The following CALHM4 variants were observed in gnomAD, a reference collection of about 807,000 sequenced individuals.
CALHM4 encodes the protein calcium homeostasis modulator family member 4.
CALHM4 carries 16 observed loss-of-function variants against 13.3 expected under a neutral mutation model. That is an observed-to-expected ratio of 1.20 (90% CI 0.81 to 1.82). CALHM4 has a LOEUF of 1.82. Among genes scored for constraint, CALHM4 ranks in the 40% most tolerant of loss-of-function variants. CALHM4 has a pLI of 0.00. For missense variants in CALHM4, 344 were observed against 374.9 expected (o/e 0.92, Z 0.68); for synonymous variants, 127 against 137.1 (o/e 0.93, Z 0.52).
At chr6:116,549,428 T>C (rs1225536415), upstream of CALHM4, among the ~76,000 whole-genome samples, 1 of 152,232 alleles carries the variant, frequency 6.6e-6, no homozygotes, top group African/African-American at 2.4e-5. Flanking sequence ...TACATGATAT[T>C]ATGAGGTACA....
exon 2 of CALHM4, chr6:116,543,798 G>T: frequency 6.5e-7 from 1 of 1,532,654 alleles, no homozygotes; most frequent in Non-Finnish European, 8.7e-7. Flanking sequence ...CTTCTCAGGC[G>T]TCTGCACAAT....
chr6:116,549,792 A>G (rs1773967469), upstream of CALHM4, among the ~76,000 whole-genome samples: 1 of 151,156 alleles, frequency 6.6e-6, no homozygotes, highest in African/African-American at 2.4e-5. Context: ...CATGGCTAAC[A>G]TGGTGAAACC....
rs538360548 is a variant in CALHM4 at position 116,537,987 on chromosome 6, G to A, written c.-108-5778G>A. Among the ~76,000 whole-genome samples the A allele has an allele frequency of 5.9e-5, 9 of 152,312 alleles. No individual in the cohort carries two copies. The East Asian group carries it at 1.7e-3, about 29-fold the overall frequency. On this transcript the variant is annotated intron_variant, in intron 1 of 2. Transcript: ENST00000368597. The stretch of plus-strand genomic sequence containing the variant: ...CCTGGTCGAGGACCACAGGTAACAA[G>A]AAAGTTTTACATGAGACTTCTTAGC...
At chr6:116,557,764 T>C (rs1482875152) in intron 1 of CALHM4, 61 bp from the exon 2 acceptor site, 2 of 1,544,710 alleles carry the variant, frequency 1.3e-6, no homozygotes, top group Non-Finnish European at 1.8e-6. Context: ...CTCCCATGGC[T>C]GTTGCTTGAA....
chr6:116,552,943 G>A (rs1337834591), upstream of CALHM4, among the ~76,000 whole-genome samples: 3 of 152,136 alleles, frequency 2.0e-5, no homozygotes, highest in South Asian at 2.1e-4. Flanking sequence ...GCGTGGTGGC[G>A]GGCGCCTGTA....
Position 116,558,389 on chromosome 6 carries a change from T to G in CALHM4, c.*178T>G. The G allele has an allele frequency of 3.7e-6, 3 of 800,402 alleles. No individual in the cohort carries two copies. The highest frequency in any genetic ancestry group is 3.5e-5 in the Admixed American group (1 of 28,830). 49.6% of individuals were successfully genotyped at this position (800,402 alleles called of 1,614,324 possible). ...TCTATTAGATAATTGTGCCAATCTC[T>G]CATTTTGAAATTTTGCCAATGGTCT... On this transcript the variant is annotated 3_prime_UTR_variant, in exon 2 of 2. Transcript: ENST00000368596.
At position 116,560,651 on chromosome 6, in the gene CALHM4, G is replaced by GGC. The variant is rs1491346111; in HGVS notation, c.*2441_*2442insCG. On this transcript the variant is annotated 3_prime_UTR_variant, in exon 2 of 2. Coordinates refer to ENST00000368596, the MANE Select transcript of CALHM4 (RefSeq NM_001366078.2). ...AAATAAATGGAATTTTTAGTATTTT[G>GGC]GGGGGGGGGGGGGCTATGGTCTATA... 7.1e-3 allele frequency among the ~76,000 whole-genome samples: 43 copies of GGC among 6,056 alleles called. No individual in the cohort carries two copies. The highest frequency in any genetic ancestry group is 0.03 in the African/African-American group (43 of 1,416). 4.0% of individuals were successfully genotyped at this position (6,056 alleles called of 152,430 possible). A position where few individuals can be genotyped will look rare whatever the true frequency, so the allele number is the denominator to read the frequency against.
upstream of CALHM4, among the ~76,000 whole-genome samples, chr6:116,550,025 T>TATACACATATATAC (rs765467696): frequency 1.0e-5 from 1 of 96,342 alleles, no homozygotes; most frequent in African/African-American, 4.1e-5. Flanking sequence ...TATATATATA[T>TATACACATATATAC]ACACACACAC....
At chr6:116,535,535 G>T (rs897959563) in intron 1 of CALHM4, among the ~76,000 whole-genome samples, 1 of 152,150 alleles carries the variant, frequency 6.6e-6, no homozygotes, top group African/African-American at 2.4e-5. Flanking sequence ...AAATGTGTTT[G>T]GAAACCCTAA....
intron 1 of CALHM4, among the ~76,000 whole-genome samples, chr6:116,555,917 A>G (rs1340308077): frequency 6.6e-6 from 1 of 152,202 alleles, no homozygotes; most frequent in Non-Finnish European, 1.5e-5. Flanking sequence ...TTGAATGATG[A>G]GATCCCTTCC....
chr6:116,550,382 TC>T (rs2115276430), upstream of CALHM4, among the ~76,000 whole-genome samples: 1 of 152,226 alleles, frequency 6.6e-6, no homozygotes, highest in Admixed American at 6.5e-5. Flanking sequence ...TCCTGGCACT[TC>T]CGCTCATCTG....
chr6:116,548,479 A>G (rs868486232), intron 2 of CALHM4, among the ~76,000 whole-genome samples: 10 of 152,240 alleles, frequency 6.6e-5, no homozygotes, highest in African/African-American at 2.4e-4. Context: ...AACAGTAAGC[A>G]ATAGTAAAAC....
At chr6:116,540,868 C>T (rs952086051) in intron 1 of CALHM4, among the ~76,000 whole-genome samples, 3 of 152,194 alleles carry the variant, frequency 2.0e-5, no homozygotes, top group Middle Eastern at 3.4e-3. Flanking sequence ...CCCGGATGCT[C>T]GCTCTTCTCT....
rs1774405149 is a variant in CALHM4, at chr6:116,557,932, C to T, written c.666C>T (p.Thr222=). ...CCTCTCTGCAACATTGCTACTGGAC[C>T]AGCCACCTCCAGAATGAGAGAGAAC... ...PLTSLQHCYW[T]SHLQNERELF... is the part of the protein sequence containing the mutation. The change falls in exon 2 of 2, where the codon ACC becomes ACT. Residue 222 remains threonine (T), a synonymous_variant. Transcript: ENST00000368596. 1 of 1,614,112 alleles carries T rather than the reference C, an allele frequency of 6.2e-7. No individual in the cohort carries two copies. Among genetic ancestry groups the T allele is most frequent in the Non-Finnish European group, 8.5e-7 (1 of 1,180,022 alleles).
At chr6:116,545,594 T>C in intron 2 of CALHM4, 1 of 1,322,382 alleles carries the variant, frequency 7.6e-7, no homozygotes, top group Admixed American at 2.3e-5. Flanking sequence ...TCCATGTCTT[T>C]TTGTTTTGTT....
At chr6:116,540,395 T>C (rs1009673946) in intron 1 of CALHM4, 2 of 1,551,206 alleles carry the variant, frequency 1.3e-6, no homozygotes, top group South Asian at 2.4e-5. Flanking sequence ...TCTGAATAAC[T>C]ATGGCATCTT....
intron 2 of CALHM4, among the ~76,000 whole-genome samples, chr6:116,544,085 G>A (rs1241510390): frequency 6.6e-6 from 1 of 150,654 alleles, no homozygotes; most frequent in East Asian, 1.9e-4. Flanking sequence ...ACATATAAGA[G>A]CCACAGCAGA....
Position 116,560,566 on chromosome 6 carries a change from T to A in CALHM4, c.*2355T>A, listed in dbSNP as rs1774538653. 1.3e-5 allele frequency among the ~76,000 whole-genome samples: 2 copies of A among 148,726 alleles called. No individual in the cohort carries two copies. The highest frequency in any genetic ancestry group is 4.3e-4 in the South Asian group (2 of 4,654). On this transcript the variant is annotated 3_prime_UTR_variant, in exon 2 of 2. Coordinates refer to ENST00000368596, the MANE Select transcript of CALHM4 (RefSeq NM_001366078.2). ...ATGATTTATAGCATCTATGTGAACA[T>A]TTAAAAGGTAGTACACACCCCTGGG...
intron 2 of CALHM4, chr6:116,545,685 GA>G (rs1354947157): frequency 1.3e-5 from 6 of 453,480 alleles, no homozygotes; most frequent in African/African-American, 8.1e-5. Context: ...GCTGAAGAGG[GA>G]AAAAAACCAT....
Sources: gnomAD v4.1 joint callset for allele counts (sites outside exome capture counted in the v4.1 genomes callset) on GRCh38, gnomAD v4.1.1 for gene constraint, MANE v1.5 for transcripts, NCBI Gene and HGNC (gene_info 2026-07-23, HGNC 2026-07-21) for gene names.